CNTN1: variants seen among roughly 807,000 people sequenced by gnomAD.
CNTN1 encodes contactin 1, also known as contactin-1.
A neutral mutation model predicts 126.4 loss-of-function variants in CNTN1; 38 were observed. The ratio of observed to expected loss-of-function variants is 0.30; its 90% confidence interval spans 0.23 to 0.39. The LOEUF (loss-of-function observed/expected upper bound fraction) is 0.39. Among genes scored for constraint, CNTN1 ranks in the 10% least tolerant of loss-of-function variants. CNTN1 has a pLI of 1.00. For missense variants in CNTN1, 1,009 were observed against 1,248.4 expected, an observed-to-expected ratio of 0.81 and a Z score of 2.89; for synonymous variants, 413 against 422.6, an observed-to-expected ratio of 0.98 and a Z score of 0.28.
chr12:40,906,747 C>T (rs1386941395), intron 1 of CNTN1, among the ~76,000 whole-genome samples: 6 of 137,170 alleles, frequency 4.4e-5, no homozygotes, highest in Admixed American at 4.1e-4. Context: ...GTGAAGATCT[C>T]GGCTCACTGC....
At chr12:40,728,765 T>C in intron 1 of CNTN1, 1 of 152,136 alleles carries the variant, frequency 6.6e-6, no homozygotes, top group East Asian at 1.9e-4. Context: ...ACAAGCGTCC[T>C]CCTCCTCCTC....
chr12:40,903,933 T>C (rs547760208), intron 1 of CNTN1, among the ~76,000 whole-genome samples: 5 of 152,358 alleles, frequency 3.3e-5, no homozygotes, highest in Admixed American at 3.3e-4. Flanking sequence ...AAATATCCTT[T>C]TCTGGAGTAT....
chr12:40,917,311 T>G (rs1250604064), intron 3 of CNTN1, among the ~76,000 whole-genome samples: 1 of 152,104 alleles, frequency 6.6e-6, no homozygotes, highest in Non-Finnish European at 1.5e-5. Context: ...CATTGCTGAT[T>G]ATAAGCTAGG....
chr12:40,887,691 G>C (rs1401735422), intron 1 of CNTN1, among the ~76,000 whole-genome samples: 1 of 151,884 alleles, frequency 6.6e-6, no homozygotes, highest in East Asian at 1.9e-4. Context: ...TATAAATCAT[G>C]CTGCTATAAA....
intron 7 of CNTN1, 135 bp downstream of exon 7, chr12:40,930,137 A>G: frequency 1.3e-6 from 1 of 759,120 alleles, no homozygotes; most frequent in Non-Finnish European, 2.3e-6. Context: ...ATGCATGTTG[A>G]AGGGGCCAAA....
chr12:40,696,784 A>G (rs1284935857), intron 1 of CNTN1, among the ~76,000 whole-genome samples: 1 of 152,230 alleles, frequency 6.6e-6, no homozygotes, highest in Non-Finnish European at 1.5e-5. Flanking sequence ...TATTATAAGG[A>G]CATCTAAAAT....
At chr12:40,780,493 C>T (rs1939750083) in intron 1 of CNTN1, among the ~76,000 whole-genome samples, 1 of 151,622 alleles carries the variant, frequency 6.6e-6, no homozygotes, top group African/African-American at 2.4e-5. Context: ...TCAATTGATT[C>T]CCATGCTACC....
At chr12:40,902,584 T>A (rs1944647602) in intron 1 of CNTN1, among the ~76,000 whole-genome samples, 1 of 152,194 alleles carries the variant, frequency 6.6e-6, no homozygotes, top group Non-Finnish European at 1.5e-5. Context: ...CAAAAAATTT[T>A]TTTTGTAAAA....
chr12:40,843,301 G>A (rs1295955458), intron 1 of CNTN1, among the ~76,000 whole-genome samples: 1 of 151,990 alleles, frequency 6.6e-6, no homozygotes, highest in Admixed American at 6.6e-5. Context: ...AAATTAATGG[G>A]AAAACATTAG....
chr12:40,741,495 A>G (rs1476102009), intron 1 of CNTN1, among the ~76,000 whole-genome samples: 1 of 152,108 alleles, frequency 6.6e-6, no homozygotes, highest in Non-Finnish European at 1.5e-5. Flanking sequence ...CAATGGGTTT[A>G]ATTAGAAATA....
chr12:40,904,187 T>G (rs1251084811), intron 1 of CNTN1, among the ~76,000 whole-genome samples: 1 of 151,494 alleles, frequency 6.6e-6, no homozygotes, highest in Non-Finnish European at 1.5e-5. Flanking sequence ...CACAGCTAAT[T>G]TTTTGTATTT....
intron 1 of CNTN1, among the ~76,000 whole-genome samples, chr12:40,810,937 A>C (rs111396127): frequency 0.023 from 3,464 of 152,296 alleles, 126 homozygotes; most frequent in African/African-American, 0.078. Flanking sequence ...CAGAAGTTTG[A>C]GGTTACAATC....
chr12:41,027,418 T>C (rs1259249080), intron 21 of CNTN1, among the ~76,000 whole-genome samples: 1 of 151,792 alleles, frequency 6.6e-6, no homozygotes, highest in Non-Finnish European at 1.5e-5. Flanking sequence ...GCCCATGAGG[T>C]AGAAGGAAAA....
intron 17 of CNTN1, among the ~76,000 whole-genome samples, chr12:41,003,022 A>G (rs879938200): frequency 2.7e-4 from 41 of 152,140 alleles, no homozygotes; most frequent in Non-Finnish European, 4.3e-4. Flanking sequence ...GTCTTGTGCC[A>G]GTTTTCAAGG....
At chr12:40,823,800 T>C (rs1256768753) in intron 1 of CNTN1, among the ~76,000 whole-genome samples, 1 of 152,110 alleles carries the variant, frequency 6.6e-6, no homozygotes, top group Non-Finnish European at 1.5e-5. Context: ...TTATTGGAAA[T>C]TTTATGTGCC....
chr12:40,697,196 T>A (rs926525250), intron 1 of CNTN1, among the ~76,000 whole-genome samples: 2 of 152,164 alleles, frequency 1.3e-5, no homozygotes, highest in African/African-American at 4.8e-5. Context: ...CCAAATTGCT[T>A]CCCCCAAAAT....
intron 1 of CNTN1, among the ~76,000 whole-genome samples, chr12:40,718,941 G>T (rs1323031583): frequency 1.3e-5 from 2 of 151,672 alleles, no homozygotes; most frequent in African/African-American, 4.8e-5. Context: ...TTCCAAAGAT[G>T]CCCTTAGAAG....
intron 1 of CNTN1, among the ~76,000 whole-genome samples, chr12:40,696,737 C>T (rs1238793360): frequency 1.3e-5 from 2 of 152,046 alleles, no homozygotes; most frequent in African/African-American, 4.8e-5. Context: ...ACTCAAAAGT[C>T]TATCTATTTA....
intron 23 of CNTN1, among the ~76,000 whole-genome samples, chr12:41,066,719 GT>G (rs1022397860): frequency 6.6e-6 from 1 of 152,126 alleles, no homozygotes; most frequent in Non-Finnish European, 1.5e-5. Flanking sequence ...AAGTAGAGCA[GT>G]TTTCTACTTA....
Sources: gnomAD v4.1 joint callset for allele counts (sites outside exome capture counted in the v4.1 genomes callset) on GRCh38, gnomAD v4.1.1 for gene constraint, MANE v1.5 for transcripts, NCBI Gene and HGNC (gene_info 2026-07-23, HGNC 2026-07-21) for gene names.